The following SIPA1L2 variants were observed in gnomAD, a reference collection of about 807,000 sequenced individuals.
SIPA1L2 encodes signal induced proliferation associated 1 like 2.
In SIPA1L2, 56 loss-of-function variants were observed where a neutral mutation model predicts 163.9. The observed-to-expected ratio is 0.34, with a 90% CI of 0.28 to 0.43. The LOEUF (loss-of-function observed/expected upper bound fraction) is 0.43. SIPA1L2 is among the 20% of genes least tolerant of loss of function. The pLI is 1.00. For synonymous variants in SIPA1L2, 877 were observed against 865.7 expected (o/e 1.01, Z -0.23); for missense variants, 1,974 against 2,193.5 (o/e 0.90, Z 2.00).
At chr1:232,420,555 G>A (rs1002640311) in intron 18 of SIPA1L2, among the ~76,000 whole-genome samples, 1 of 152,200 alleles carries the variant, frequency 6.6e-6, no homozygotes, top group Admixed American at 6.5e-5. Flanking sequence ...CAAGACTGTG[G>A]CTGGGCGTGG....
At chr1:232,520,288 T>A (rs992726894) in intron 2 of SIPA1L2, among the ~76,000 whole-genome samples, 5 of 152,194 alleles carry the variant, frequency 3.3e-5, no homozygotes, top group African/African-American at 9.6e-5. Flanking sequence ...GCAAGCACTT[T>A]AAAAACCCAG....
intron 2 of SIPA1L2, among the ~76,000 whole-genome samples, chr1:232,533,526 T>A (rs11589828): frequency 0.24 from 36,847 of 152,074 alleles, 6,206 homozygotes; most frequent in African/African-American, 0.48. Flanking sequence ...GAATATACTG[T>A]ATGAGATGGT....
chr1:232,583,086 A>G (rs1660467480), intron 1 of SIPA1L2, among the ~76,000 whole-genome samples: 2 of 152,136 alleles, frequency 1.3e-5, no homozygotes, highest in Non-Finnish European at 2.9e-5. Flanking sequence ...TTGTTCTCAC[A>G]CTCAAATAGT....
intron 1 of SIPA1L2, among the ~76,000 whole-genome samples, chr1:232,597,348 G>A (rs1218827887): frequency 6.6e-6 from 1 of 152,050 alleles, no homozygotes; most frequent in Admixed American, 6.5e-5. Flanking sequence ...CAGCCTCTAT[G>A]GTGGGACTCA....
intron 4 of SIPA1L2, 48 bp from the exon 5 acceptor site, chr1:232,491,110 C>T: frequency 1.3e-6 from 2 of 1,521,254 alleles, no homozygotes; most frequent in Non-Finnish European, 1.8e-6. Flanking sequence ...TTCTCAATTA[C>T]CTACTCACAG....
Position 232,439,218 on chromosome 1 carries a change from G to C in SIPA1L2, c.3921C>G (p.Asp1307Glu), listed in dbSNP as rs200229959. 6.2e-7 allele frequency: 1 copy of C among 1,613,842 alleles called. No homozygotes were observed. Residue 1307 changes from aspartate to glutamate, a missense_variant, in exon 15 of 23, where the codon GAC (aspartate) becomes GAG (glutamate). Asp to Glu is a conservative substitution (Grantham distance 45, BLOSUM62 2). Transcript: ENST00000674635. ...CAGAATATAACTTGGCTGGCTCGTC[G>C]TCAGGCCCAGAGACGTCGGCAGCAT... Reference protein sequence around the residue: ...WADAADVSGPDDEPAKLYSVH... With the variant: ...WADAADVSGPEDEPAKLYSVH...
At chr1:232,558,956 G>A (rs1658882676) in intron 2 of SIPA1L2, among the ~76,000 whole-genome samples, 1 of 152,302 alleles carries the variant, frequency 6.6e-6, no homozygotes, top group Admixed American at 6.5e-5. Flanking sequence ...TGCTTTTGCA[G>A]GGCTGAGGCA....
intron 1 of SIPA1L2, among the ~76,000 whole-genome samples, chr1:232,576,368 C>T (rs1660076865): frequency 6.6e-6 from 1 of 152,178 alleles, no homozygotes; most frequent in African/African-American, 2.4e-5. Context: ...CTGTGATCAG[C>T]GATCTTGGAT....
chr1:232,471,290 G>T, intron 8 of SIPA1L2, 81 bp downstream of exon 8: 1 of 1,415,792 alleles, frequency 7.1e-7, no homozygotes, highest in Non-Finnish European at 9.7e-7. Flanking sequence ...AATAATAATT[G>T]GCAAACAAAG....
At chr1:232,581,431 G>A (rs892711372) in intron 1 of SIPA1L2, among the ~76,000 whole-genome samples, 2 of 152,124 alleles carry the variant, frequency 1.3e-5, no homozygotes, top group Non-Finnish European at 2.9e-5. Flanking sequence ...AGAGCTCAAC[G>A]TAGGGAAGGC....
At chr1:232,538,945 G>A (rs1657476717) in intron 2 of SIPA1L2, among the ~76,000 whole-genome samples, 1 of 152,172 alleles carries the variant, frequency 6.6e-6, no homozygotes, top group Non-Finnish European at 1.5e-5. Flanking sequence ...TCAGACAGCT[G>A]ACGAATATTC....
intron 2 of SIPA1L2, among the ~76,000 whole-genome samples, chr1:232,549,500 A>G (rs1658252982): frequency 6.6e-6 from 1 of 152,220 alleles, no homozygotes; most frequent in South Asian, 2.1e-4. Flanking sequence ...CAGGTAGTAT[A>G]AGAAAACTCT....
At chr1:232,419,011 T>C (rs1661418745) in intron 18 of SIPA1L2, among the ~76,000 whole-genome samples, 1 of 152,042 alleles carries the variant, frequency 6.6e-6, no homozygotes, top group Non-Finnish European at 1.5e-5. Flanking sequence ...AGACAATAAA[T>C]GAATAAACAA....
chr1:232,529,998 G>C (rs1031805820), intron 2 of SIPA1L2, among the ~76,000 whole-genome samples: 1 of 152,184 alleles, frequency 6.6e-6, no homozygotes, highest in Non-Finnish European at 1.5e-5. Flanking sequence ...GCAGTCACTG[G>C]TGATTAAAGC....
intron 1 of SIPA1L2, among the ~76,000 whole-genome samples, chr1:232,606,515 A>G (rs1309084286): frequency 6.6e-6 from 1 of 152,014 alleles, no homozygotes; most frequent in African/African-American, 2.4e-5. Context: ...AGCAATGCGG[A>G]AAAATATTCT....
At chr1:232,575,137 G>T (rs1428278769) in intron 1 of SIPA1L2, among the ~76,000 whole-genome samples, 1 of 152,154 alleles carries the variant, frequency 6.6e-6, no homozygotes, top group Non-Finnish European at 1.5e-5. Flanking sequence ...GACACTGCAT[G>T]GACTCAAAAC....
rs1167996494 is a variant in SIPA1L2, at chr1:232,441,911, C to A, written c.3438-43G>T. On this transcript the variant is annotated intron_variant, in intron 12 of 22. Transcript: ENST00000674635. ...TTGAGCCTGTCCTTTCTCAACCGTG[C>A]CACCTGCCAGCATGCACACGGGAGT... is the stretch of plus-strand genomic sequence containing the variant. 3 of 1,538,946 alleles carry A rather than the reference C, an allele frequency of 1.9e-6. No individual in the cohort carries two copies. In the African/African-American group the frequency reaches 4.1e-5, roughly 21 times the overall value.
At chr1:232,541,206 T>A (rs1306064794) in intron 2 of SIPA1L2, among the ~76,000 whole-genome samples, 1 of 152,048 alleles carries the variant, frequency 6.6e-6, no homozygotes, top group East Asian at 1.9e-4. Flanking sequence ...CGTTTACCTA[T>A]GTAACACACC....
At chr1:232,606,263 T>C (rs867441611) in intron 1 of SIPA1L2, among the ~76,000 whole-genome samples, 8 of 152,322 alleles carry the variant, frequency 5.3e-5, no homozygotes, top group South Asian at 4.1e-4. Flanking sequence ...AGAATTTTAA[T>C]AGAAGCATTA....
Sources: allele counts gnomAD v4.1 joint callset (sites outside exome capture counted in the v4.1 genomes callset), GRCh38; gene constraint gnomAD v4.1.1; transcripts MANE v1.5; gene names NCBI Gene and HGNC (gene_info 2026-07-23, HGNC 2026-07-21).